The following ADGRD1 variants were observed in gnomAD, a reference collection of about 807,000 sequenced individuals.
ADGRD1 encodes G-protein coupled receptor 133.
A neutral mutation model predicts 113.4 loss-of-function variants in ADGRD1; 77 were observed. The ratio of observed to expected loss-of-function variants is 0.68; its 90% CI spans 0.57 to 0.82. ADGRD1 has a LOEUF of 0.82. Ranked by LOEUF, ADGRD1 falls within the 40% of genes least tolerant of loss-of-function variation. The pLI, the probability that ADGRD1 is intolerant of heterozygous loss-of-function variation, is 0.00. For missense variants in ADGRD1, 1,036 were observed against 1,139.1 expected (o/e 0.91, Z 1.30); for synonymous variants, 474 against 475.0 (o/e 1.00, Z 0.03).
intron 14 of ADGRD1, among the ~76,000 whole-genome samples, 193 bp downstream of exon 14, chr12:131,077,067 C>T (rs894197387): frequency 2.0e-5 from 3 of 152,176 alleles, no homozygotes; most frequent in Non-Finnish European, 4.4e-5. Context: ...CCCTCCAGAC[C>T]ATGCGAGGAG....
intron 13 of ADGRD1, among the ~76,000 whole-genome samples, chr12:131,076,412 G>A (rs935355306): frequency 6.6e-6 from 1 of 152,146 alleles, no homozygotes; most frequent in African/African-American, 2.4e-5. Context: ...GGAAGGGAAG[G>A]TCTCTCTGAG....
chr12:130,985,317 C>T (rs1873517909), intron 5 of ADGRD1, among the ~76,000 whole-genome samples: 1 of 152,158 alleles, frequency 6.6e-6, no homozygotes, highest in Non-Finnish European at 1.5e-5. Context: ...CTTGTCTTCT[C>T]ATTCTCTTGA....
At chr12:131,098,751 G>A (rs553277170) in intron 15 of ADGRD1, among the ~76,000 whole-genome samples, 4 of 152,322 alleles carry the variant, frequency 2.6e-5, no homozygotes, top group Admixed American at 2.0e-4. Flanking sequence ...ACACGACACT[G>A]GCAGCCTTAG....
chr12:131,017,315 C>T (rs34722201), intron 13 of ADGRD1, among the ~76,000 whole-genome samples: 18,191 of 134,750 alleles, frequency 0.13, 1,244 homozygotes, highest in African/African-American at 0.22. Context: ...ACCCAGTCCA[C>T]ACACACCCAG....
chr12:130,971,327 G>A lies in ADGRD1; in HGVS notation c.188-131G>A, dbSNP rs920259053. On this transcript the variant is annotated intron_variant, in intron 3 of 24. Coordinates refer to ENST00000261654, the MANE Select transcript of ADGRD1 (RefSeq NM_198827.5). This position sits in a 1 kb window ranked among gnomAD's most constrained non-coding sequence, Gnocchi z 4.2. ...ATATTATCATAGAATAATATATGAT[G>A]TTATAAATATATACTTAGATAAATA... 1.1e-5 allele frequency: 5 copies of A among 464,426 alleles called. No individual in the cohort carries two copies. Among genetic ancestry groups the A allele is most frequent in the African/African-American group, 8.1e-5 (4 of 49,600 alleles). The allele number at this position is 464,426 out of a possible 1,614,324, so 28.8% of individuals were successfully genotyped here.
chr12:131,005,978 G>T lies in ADGRD1; in HGVS notation c.1262G>T (p.Ser421Ile). ...PHEAFHRHAW[S>I]TVVGLLYHSM... ...CCCTCTGCTCTCTCTGCAGCCTGGAGCACCGTCGTGGGTCTGCTGTACCAC... is the reference window on the plus strand; with the variant it reads ...CCCTCTGCTCTCTCTGCAGCCTGGATCACCGTCGTGGGTCTGCTGTACCAC... The change falls in exon 12 of 25, where the codon AGC becomes ATC. Residue 421 changes from serine (S) to isoleucine (I), a missense_variant. Ser to Ile is a moderately radical substitution (Grantham distance 142). Coordinates refer to ENST00000261654, the MANE Select transcript of ADGRD1 (RefSeq NM_198827.5). 6.2e-7 allele frequency: 1 copy of T among 1,611,188 alleles called. No homozygotes were observed.
intron 4 of ADGRD1, among the ~76,000 whole-genome samples, chr12:130,980,338 T>C (rs1187406258): frequency 2.0e-5 from 3 of 151,896 alleles, no homozygotes; most frequent in Non-Finnish European, 4.4e-5. Flanking sequence ...TCTCCTGACC[T>C]CATGATCCAC....
At chr12:131,103,687 G>A (rs543997386) in intron 15 of ADGRD1, among the ~76,000 whole-genome samples, 1 of 152,330 alleles carries the variant, frequency 6.6e-6, no homozygotes, top group South Asian at 2.1e-4. Flanking sequence ...CCTGGTGATC[G>A]GGGAGAAGGC....
At position 131,014,247 on chromosome 12, in the gene ADGRD1, C is replaced by A. The variant is rs756253609; in HGVS notation, c.1380C>A (p.Ser460Arg). 2 of 1,614,070 alleles carry A rather than the reference C, an allele frequency of 1.2e-6. No individual in the cohort carries two copies. The highest frequency in any genetic ancestry group is 1.1e-5 in the South Asian group (1 of 91,080). Residue 460 changes from serine to arginine, a missense_variant, in exon 13 of 25, where the codon AGC becomes AGA. By Grantham distance (110) the Ser-to-Arg change is moderately radical. Transcript: ENST00000261654. ...HHQDCLLFAT[S>R]HLISLEVSPP... ...AGGACTGCCTGCTGTTCGCCACCAG[C>A]CACCTGATTTCCCTGGAGGTGTCCC...
chr12:131,021,580 T>A (rs1305810360), intron 13 of ADGRD1, among the ~76,000 whole-genome samples: 1 of 152,102 alleles, frequency 6.6e-6, no homozygotes, highest in Admixed American at 6.5e-5. Flanking sequence ...GTTCTAGGGG[T>A]TGGAAATCCA....
In ADGRD1 at chr12:131,111,372, G is replaced by A. The variant is rs566206307; in HGVS notation, c.2041+2495G>A. On this transcript the variant is annotated intron_variant, in intron 18 of 24. Transcript: ENST00000261654. ...CTCCCAAAGGGCTGGGATTACAGGC[G>A]TGAGCCACCATGCCTGGCCCACTTT... Among the ~76,000 whole-genome samples the A allele has an allele frequency of 1.5e-4, 23 of 152,098 alleles. No individual in the cohort carries two copies. The East Asian group carries it at 1.9e-3, about 13-fold the overall frequency.
Position 131,135,362 on chromosome 12 carries a change from G to A in ADGRD1, c.2268-675G>A, listed in dbSNP as rs139405404. Among the ~76,000 whole-genome samples the A allele has an allele frequency of 7.6e-3, 1,150 of 152,262 alleles. 9 individuals are homozygous for A. The highest frequency in any genetic ancestry group is 0.023 in the Admixed American group (358 of 15,296). ...CCATGGGCTCTAGGGAGATAAAAAC[G>A]CATGCTGATGGGGCTGGTGTGTTCA... On this transcript the variant is annotated intron_variant, in intron 21 of 24. Coordinates refer to ENST00000261654, the MANE Select transcript of ADGRD1 (RefSeq NM_198827.5).
intron 14 of ADGRD1, among the ~76,000 whole-genome samples, chr12:131,082,412 A>G (rs2137198674): frequency 6.6e-6 from 1 of 152,284 alleles, no homozygotes; most frequent in Non-Finnish European, 1.5e-5. Flanking sequence ...ATCTTCATTG[A>G]TGCCACTGAA....
intron 3 of ADGRD1, chr12:130,967,278 G>A (rs978231938): frequency 2.7e-5 from 6 of 223,024 alleles, no homozygotes; most frequent in Non-Finnish European, 4.9e-5. Flanking sequence ...CGCCTAAGAC[G>A]TTTCCAGTGA....
intron 15 of ADGRD1, among the ~76,000 whole-genome samples, chr12:131,090,202 T>C (rs1022085513): frequency 6.6e-6 from 1 of 152,068 alleles, no homozygotes; most frequent in Non-Finnish European, 1.5e-5. Flanking sequence ...GATTTGAAAA[T>C]GGTTTAAAAT....
chr12:130,986,206 T>G (rs1176027275), intron 5 of ADGRD1, among the ~76,000 whole-genome samples: 1 of 152,200 alleles, frequency 6.6e-6, no homozygotes, highest in Non-Finnish European at 1.5e-5. Context: ...AGATTTTTAT[T>G]GGGATTGTGT....
chr12:131,021,525 AG>A (rs1879317176), intron 13 of ADGRD1, among the ~76,000 whole-genome samples: 2 of 152,094 alleles, frequency 1.3e-5, no homozygotes, highest in African/African-American at 4.8e-5. Flanking sequence ...AGGCTGTGTG[AG>A]TCGGCCTGTG....
chr12:131,103,746 C>T (rs976711790), intron 15 of ADGRD1, among the ~76,000 whole-genome samples: 9 of 152,222 alleles, frequency 5.9e-5, no homozygotes, highest in East Asian at 3.9e-4. Flanking sequence ...TGGAGGCAGG[C>T]GTCTCGGAGG....
intron 13 of ADGRD1, among the ~76,000 whole-genome samples, chr12:131,019,043 C>T (rs1181806101): frequency 6.6e-6 from 1 of 152,200 alleles, no homozygotes; most frequent in African/African-American, 2.4e-5. Context: ...CCCGGGTGTG[C>T]ACACTTCAGA....
Sources: allele counts gnomAD v4.1 joint callset (sites outside exome capture counted in the v4.1 genomes callset), GRCh38; gene constraint gnomAD v4.1.1; non-coding constraint Gnocchi (gnomAD v3.1); transcripts MANE v1.5; gene names NCBI Gene and HGNC (gene_info 2026-07-23, HGNC 2026-07-21).